SIAH1: variants seen among roughly 807,000 people sequenced by gnomAD.
SIAH1 encodes E3 ubiquitin-protein ligase SIAH1.
A neutral mutation model predicts 20.0 loss-of-function variants in SIAH1; 2 were observed. That is an observed-to-expected ratio of 0.10 (90% confidence interval 0.04 to 0.31). The LOEUF (loss-of-function observed/expected upper bound fraction) is 0.31. Among genes scored for constraint, SIAH1 ranks in the 10% least tolerant of loss-of-function variants. The pLI, the probability that SIAH1 is intolerant of heterozygous loss-of-function variation, is 1.00. For missense variants in SIAH1, 119 were observed against 355.3 expected (o/e 0.33, Z 5.35); for synonymous variants, 118 against 125.3 (o/e 0.94, Z 0.39).
At chr16:48,377,866 C>G (rs1282585300) in intron 1 of SIAH1, among the ~76,000 whole-genome samples, 1 of 151,914 alleles carries the variant, frequency 6.6e-6, no homozygotes, top group Non-Finnish European at 1.5e-5. Context: ...TTGCTAAAGC[C>G]TTTGAGTTTG....
intron 1 of SIAH1, among the ~76,000 whole-genome samples, chr16:48,377,091 T>A (rs965447612): frequency 7.2e-5 from 11 of 152,194 alleles, no homozygotes; most frequent in African/African-American, 2.7e-4. Flanking sequence ...CGCTGAAATA[T>A]TTTCTACAAA....
intron 1 of SIAH1, among the ~76,000 whole-genome samples, chr16:48,384,746 G>A (rs1202735066): frequency 4.0e-5 from 6 of 151,324 alleles, no homozygotes; most frequent in Non-Finnish European, 7.4e-5. Flanking sequence ...GGGAGGGCAG[G>A]GCCCCGGCAG....
intron 1 of SIAH1, among the ~76,000 whole-genome samples, chr16:48,375,227 C>A (rs1961078565): frequency 6.6e-6 from 1 of 152,110 alleles, no homozygotes; most frequent in Admixed American, 6.6e-5. Context: ...CAGCCCTATC[C>A]TAAGAAAGTG....
chr16:48,367,775 G>C (rs1960880082), intron 1 of SIAH1, among the ~76,000 whole-genome samples: 2 of 149,384 alleles, frequency 1.3e-5, no homozygotes, highest in Admixed American at 1.3e-4. Context: ...CAACTAGGTA[G>C]AATATTTACA....
chr16:48,384,580 C>A (rs1270789232), intron 1 of SIAH1, among the ~76,000 whole-genome samples: 1 of 152,144 alleles, frequency 6.6e-6, no homozygotes, highest in African/African-American at 2.4e-5. Flanking sequence ...TGCATTCTTC[C>A]CACTGCACAA....
At chr16:48,366,147 C>T (rs1567369837) in intron 1 of SIAH1, among the ~76,000 whole-genome samples, 2 of 149,580 alleles carry the variant, frequency 1.3e-5, no homozygotes, top group African/African-American at 4.9e-5. Flanking sequence ...CTCAGCATTT[C>T]CACCAGTTTA....
At chr16:48,367,900 A>G (rs1279419535) in intron 1 of SIAH1, among the ~76,000 whole-genome samples, 2 of 152,236 alleles carry the variant, frequency 1.3e-5, no homozygotes, top group Non-Finnish European at 2.9e-5. Context: ...TACACTTTCT[A>G]AAGCCTACGT....
rs1053862903 is a variant in SIAH1, at chr16:48,361,366, T to C, written c.*214A>G. 1 of 527,242 alleles carries C rather than the reference T, an allele frequency of 1.9e-6. No homozygotes were observed. 32.7% of individuals were successfully genotyped at this position (527,242 alleles called of 1,614,324 possible). Reference sequence around the variant, plus strand: ...TGCCCATCTTGGGTGTATATACATATATTTTTTCAGTGGTTTACTGTTGAC... The same window carrying C: ...TGCCCATCTTGGGTGTATATACATACATTTTTTCAGTGGTTTACTGTTGAC... On this transcript the variant is annotated 3_prime_UTR_variant, in exon 2 of 2. Transcript: ENST00000394725.
intron 1 of SIAH1, among the ~76,000 whole-genome samples, chr16:48,367,393 G>T (rs895656630): frequency 6.6e-6 from 1 of 152,158 alleles, no homozygotes; most frequent in African/African-American, 2.4e-5. Flanking sequence ...GAAAACCACT[G>T]ATCTATGGAC....
chr16:48,365,617 C>T, intron 1 of SIAH1: 5 of 1,448,270 alleles, frequency 3.5e-6, no homozygotes, highest in Non-Finnish European at 4.5e-6. Flanking sequence ...CTCAGAAGCA[C>T]CAGTTACAGA....
At chr16:48,363,455 A>C (rs977912519) in intron 1 of SIAH1, 26 of 167,126 alleles carry the variant, frequency 1.6e-4, no homozygotes, top group African/African-American at 6.0e-4. Context: ...AACACAACTA[A>C]GGTGAAGTGA....
chr16:48,368,450 C>T (rs1960898760), intron 1 of SIAH1, among the ~76,000 whole-genome samples: 1 of 152,196 alleles, frequency 6.6e-6, no homozygotes, highest in African/African-American at 2.4e-5. Context: ...AATCACAGCA[C>T]TTTGGGAGGC....
At chr16:48,365,080 C>T (rs919036238) in intron 1 of SIAH1, 1 of 298,160 alleles carries the variant, frequency 3.4e-6, no homozygotes, top group African/African-American at 2.1e-5. Context: ...GGAGGTATTA[C>T]AGGACAGCAA....
chr16:48,363,041 CTTAAA>C (rs1960665933), intron 1 of SIAH1: 1 of 166,888 alleles, frequency 6.0e-6, no homozygotes, highest in African/African-American at 2.4e-5. Context: ...CCAGAGATCA[CTTAAA>C]TTATACAAGA....
chr16:48,383,919 G>A (rs933708150), intron 1 of SIAH1, among the ~76,000 whole-genome samples: 2 of 152,238 alleles, frequency 1.3e-5, no homozygotes, highest in South Asian at 4.1e-4. Context: ...GTAAGCATTT[G>A]TTGAGAACTT....
In SIAH1 at chr16:48,369,641, C is replaced by G. The variant is rs191396153; in HGVS notation, c.-2-7211G>C. ...GCTGTAGAGCCAGCTATTTGGGAGG[C>G]TGAGGTGGGAGGCTCATCTGAGCCT... On this transcript the variant is annotated intron_variant, in intron 1 of 1. Coordinates refer to ENST00000394725, the MANE Select transcript of SIAH1 (RefSeq NM_003031.4). Among the ~76,000 whole-genome samples the G allele has an allele frequency of 1.5e-3, 233 of 152,220 alleles. 5 individuals carry two copies. The highest frequency in any genetic ancestry group is 8.5e-4 in the Non-Finnish European group (58 of 68,000).
At chr16:48,378,050 A>T (rs1323645990) in intron 1 of SIAH1, among the ~76,000 whole-genome samples, 1 of 152,182 alleles carries the variant, frequency 6.6e-6, no homozygotes, top group Non-Finnish European at 1.5e-5. Context: ...AAAGAAGCCA[A>T]ACAGAAATGA....
chr16:48,372,702 T>C (rs1428216227), intron 1 of SIAH1, among the ~76,000 whole-genome samples: 1 of 152,178 alleles, frequency 6.6e-6, no homozygotes, highest in Non-Finnish European at 1.5e-5. Flanking sequence ...GTGAAAAAAT[T>C]AAGATTTCAT....
At chr16:48,377,769 A>G (rs745749104) in intron 1 of SIAH1, among the ~76,000 whole-genome samples, 11 of 152,098 alleles carry the variant, frequency 7.2e-5, no homozygotes, top group Non-Finnish European at 1.6e-4. Context: ...GTCAGGGAAA[A>G]GAATAAGACT....
Sources: gnomAD v4.1 joint callset for allele counts (sites outside exome capture counted in the v4.1 genomes callset) on GRCh38, gnomAD v4.1.1 for gene constraint, MANE v1.5 for transcripts, NCBI Gene and HGNC (gene_info 2026-07-23, HGNC 2026-07-21) for gene names.